Variants in CDIP1 observed in about 807,000 individuals in gnomAD.
CDIP1 encodes cell death-inducing p53-target protein 1.
A neutral mutation model predicts 17.7 loss-of-function variants in CDIP1; 9 were observed. The ratio of observed to expected loss-of-function variants is 0.51; its 90% confidence interval spans 0.31 to 0.89. CDIP1 has a LOEUF of 0.89. Ranked by LOEUF, CDIP1 falls within the 40% of genes least tolerant of loss-of-function variation. The probability of loss-of-function intolerance (pLI) is 0.05; values close to 1 mark genes in which losing one functional copy is unlikely to be tolerated. For missense variants in CDIP1, 263 were observed against 277.9 expected, an observed-to-expected ratio of 0.95 and a Z score of 0.38; for synonymous variants, 117 against 109.5, an observed-to-expected ratio of 1.07 and a Z score of -0.43.
chr16:4,521,829 G>T lies in CDIP1; in HGVS notation c.-104-7165C>A, dbSNP rs144749964. ...CTCGGTTTCTTCCTCTGTAAACAGAGATGATCATGCCTACCTCTCAGGGTG... is the reference window on the plus strand; with the variant it reads ...CTCGGTTTCTTCCTCTGTAAACAGATATGATCATGCCTACCTCTCAGGGTG... On this transcript the variant is annotated intron_variant, in intron 1 of 5. Coordinates refer to ENST00000567695, the MANE Select transcript of CDIP1 (RefSeq NM_013399.3). Among the ~76,000 whole-genome samples, 279 of 152,036 alleles carry T rather than the reference G, an allele frequency of 1.8e-3. 4 individuals carry two copies. The highest frequency in any genetic ancestry group is 6.5e-3 in the African/African-American group (271 of 41,482).
intron 1 of CDIP1, among the ~76,000 whole-genome samples, chr16:4,527,203 T>A (rs1171872843): frequency 6.6e-6 from 1 of 151,438 alleles, no homozygotes; most frequent in Admixed American, 6.6e-5. Context: ...TTCTCCTGCC[T>A]CAGCCTCCCG....
In CDIP1 at chr16:4,512,546, C is replaced by G; in HGVS notation, c.*26G>C. On this transcript the variant is annotated 3_prime_UTR_variant, in exon 6 of 6. Coordinates refer to ENST00000567695, the MANE Select transcript of CDIP1 (RefSeq NM_013399.3). The surrounding 1 kb of genome is among the most constrained non-coding windows in gnomAD (Gnocchi z 4.6). ...AAGCACAGGGGGCCAGACTGACAGGCGGGGGAGTCCCGAGTCCCAGCTCCG... is the reference window on the plus strand; with the variant it reads ...AAGCACAGGGGGCCAGACTGACAGGGGGGGGAGTCCCGAGTCCCAGCTCCG... 1.3e-6 allele frequency: 2 copies of G among 1,526,322 alleles called. No individual in the cohort carries two copies. The highest frequency in any genetic ancestry group is 1.8e-6 in the Non-Finnish European group (2 of 1,100,640). 94.5% of individuals were successfully genotyped at this position (1,526,322 alleles called of 1,614,324 possible).
At chr16:4,525,912 G>A (rs967920947) in intron 1 of CDIP1, among the ~76,000 whole-genome samples, 2 of 152,192 alleles carry the variant, frequency 1.3e-5, no homozygotes, top group Admixed American at 6.5e-5. Context: ...ATAACATCGC[G>A]GGTGGCTCTG....
At chr16:4,519,362 G>A (rs1027190448) in intron 1 of CDIP1, among the ~76,000 whole-genome samples, 3 of 152,212 alleles carry the variant, frequency 2.0e-5, no homozygotes, top group Non-Finnish European at 4.4e-5. Context: ...TGATGCTACC[G>A]TGTCAGATCC....
chr16:4,530,837 CA>C (rs200982598), intron 1 of CDIP1, among the ~76,000 whole-genome samples: 82 of 149,990 alleles, frequency 5.5e-4, no homozygotes, highest in African/African-American at 2.0e-3. Context: ...GACTCTGCCT[CA>C]AAAAAAAAGA....
intron 1 of CDIP1, among the ~76,000 whole-genome samples, chr16:4,516,593 A>G (rs748450981): frequency 4.0e-5 from 6 of 151,826 alleles, no homozygotes; most frequent in South Asian, 2.1e-4. Context: ...GCCTCAAACA[A>G]TCCTCCTGCC....
At chr16:4,529,010 C>G (rs1020556314) in intron 1 of CDIP1, among the ~76,000 whole-genome samples, 2 of 151,852 alleles carry the variant, frequency 1.3e-5, no homozygotes, top group Non-Finnish European at 2.9e-5. Context: ...ATATATACTA[C>G]TCCTCATACT....
chr16:4,521,698 A>AACTGG (rs2058950574), intron 1 of CDIP1, among the ~76,000 whole-genome samples: 1 of 134,642 alleles, frequency 7.4e-6, no homozygotes, highest in Non-Finnish European at 1.5e-5. Context: ...CGTCATCAAT[A>AACTGG]TTAAAAAAAA....
At chr16:4,525,825 G>C (rs929924249) in intron 1 of CDIP1, among the ~76,000 whole-genome samples, 1 of 152,212 alleles carries the variant, frequency 6.6e-6, no homozygotes, top group East Asian at 1.9e-4. Context: ...TCTAGCACAG[G>C]CAGGCCTGGA....
chr16:4,536,149 A>G (rs1349671118), intron 1 of CDIP1, among the ~76,000 whole-genome samples: 4 of 152,210 alleles, frequency 2.6e-5, no homozygotes, highest in South Asian at 2.1e-4. Flanking sequence ...TTTAACTACC[A>G]TATTTCCCTG....
chr16:4,528,683 C>CACAAAAAAAA (rs1555501960), intron 1 of CDIP1, among the ~76,000 whole-genome samples: 3 of 50,960 alleles, frequency 5.9e-5, no homozygotes, highest in African/African-American at 2.6e-4. Flanking sequence ...AACCCTGTCT[C>CACAAAAAAAA]AAAAAAAAAA....
chr16:4,529,521 T>A (rs1226353599), intron 1 of CDIP1, among the ~76,000 whole-genome samples: 1 of 152,070 alleles, frequency 6.6e-6, no homozygotes, highest in East Asian at 1.9e-4. Flanking sequence ...GGAGGGGAAA[T>A]GCAGAGCAAA....
At chr16:4,526,078 C>T (rs1372243087) in intron 1 of CDIP1, among the ~76,000 whole-genome samples, 4 of 152,160 alleles carry the variant, frequency 2.6e-5, no homozygotes, top group African/African-American at 4.8e-5. Context: ...ACCCTACATG[C>T]TCCTCCTCGA....
chr16:4,537,228 G>A (rs533905033), intron 1 of CDIP1, among the ~76,000 whole-genome samples: 1 of 152,324 alleles, frequency 6.6e-6, no homozygotes, highest in East Asian at 1.9e-4. Flanking sequence ...ACAAATATGT[G>A]ATGAAATACA....
Position 4,512,743 on chromosome 16 carries a change from A to C in CDIP1, c.515+48T>G, listed in dbSNP as rs762966281. The C allele has an allele frequency of 1.9e-6, 3 of 1,604,162 alleles. No homozygotes were observed. Among genetic ancestry groups the C allele is most frequent in the Non-Finnish European group, 2.6e-6 (3 of 1,173,472 alleles). ...TGCTGCGGAGGAGGCAGAGGCAGCC[A>C]GTTGACCCTGGTGCAGCCCCCACCC... On this transcript the variant is annotated intron_variant, in intron 5 of 5. Transcript: ENST00000567695. The surrounding 1 kb of genome is among the most constrained non-coding windows in gnomAD (Gnocchi z 4.6).
In CDIP1 at chr16:4,512,436, G is replaced by T; in HGVS notation, c.*136C>A. 1 of 682,608 alleles carries T rather than the reference G, an allele frequency of 1.5e-6. No homozygotes were observed. The highest frequency in any genetic ancestry group is 1.6e-5 in the South Asian group (1 of 61,116). The allele number at this position is 682,608 out of a possible 1,614,324, so 42.3% of individuals were successfully genotyped here. On this transcript the variant is annotated 3_prime_UTR_variant, in exon 6 of 6. Coordinates refer to ENST00000567695, the MANE Select transcript of CDIP1 (RefSeq NM_013399.3). The surrounding 1 kb of genome is among the most constrained non-coding windows in gnomAD (Gnocchi z 4.6). The stretch of plus-strand genomic sequence containing the variant: ...GTCAGCGGCTCAGGTAGGGCAGGGT[G>T]AAGAGGACAGGACTTCTAGGGGATG...
chr16:4,537,760 G>A (rs1432671401), intron 1 of CDIP1, among the ~76,000 whole-genome samples: 2 of 152,220 alleles, frequency 1.3e-5, no homozygotes, highest in Non-Finnish European at 2.9e-5. Context: ...AGAGGATCTT[G>A]AGCCCACCTT....
At position 4,513,956 on chromosome 16, in the gene CDIP1, C is replaced by A. The variant is rs2058861569; in HGVS notation, c.85+90G>T. ...ACACAGATGGGGCCCAGGGGTAACC[C>A]TGGAGTGGGCATCACCACTTAGAGA... On this transcript the variant is annotated intron_variant, in intron 3 of 5. Coordinates refer to ENST00000567695, the MANE Select transcript of CDIP1 (RefSeq NM_013399.3). This position sits in a 1 kb window ranked among gnomAD's most constrained non-coding sequence, Gnocchi z 4.1. The A allele has an allele frequency of 1.5e-6, 2 of 1,360,600 alleles. No homozygotes were observed. The highest frequency in any genetic ancestry group is 2.5e-5 in the East Asian group (1 of 40,058). The allele number at this position is 1,360,600 out of a possible 1,614,324, so 84.3% of individuals were successfully genotyped here. A position where few individuals can be genotyped will look rare whatever the true frequency, so the allele number is the denominator to read the frequency against.
chr16:4,522,039 G>A (rs948355018), intron 1 of CDIP1, among the ~76,000 whole-genome samples: 1 of 152,206 alleles, frequency 6.6e-6, no homozygotes, highest in South Asian at 2.1e-4. Context: ...CCAACGAGGG[G>A]TCCTGGTGCA....
Sources: gnomAD v4.1 joint callset for allele counts (sites outside exome capture counted in the v4.1 genomes callset) on GRCh38, gnomAD v4.1.1 for gene constraint, Gnocchi (gnomAD v3.1) non-coding constraint, MANE v1.5 for transcripts, NCBI Gene and HGNC (gene_info 2026-07-23, HGNC 2026-07-21) for gene names.